Variants in BNC2 observed in about 807,000 individuals in gnomAD.
The protein encoded by BNC2 is basonuclin zinc finger protein 2, also known as zinc finger protein basonuclin-2.
BNC2 carries 20 observed loss-of-function variants against 76.3 expected under a neutral mutation model. The ratio of observed to expected loss-of-function variants is 0.26; its 90% CI spans 0.18 to 0.38. The LOEUF (loss-of-function observed/expected upper bound fraction) is 0.38. Among genes scored for constraint, BNC2 ranks in the 10% least tolerant of loss-of-function variants. The pLI is 1.00. For synonymous variants in BNC2, 582 were observed against 514.8 expected, an observed-to-expected ratio of 1.13 and a Z score of -1.77; for missense variants, 1,382 against 1,399.8, an observed-to-expected ratio of 0.99 and a Z score of 0.20.
intron 3 of BNC2, among the ~76,000 whole-genome samples, chr9:16,709,829 T>A (rs554012281): frequency 6.6e-6 from 1 of 152,148 alleles, no homozygotes; most frequent in South Asian, 2.1e-4. Context: ...TGTTAAAATT[T>A]TGGAATAAAT....
chr9:16,614,463 G>GAAA (rs57842578), intron 3 of BNC2, among the ~76,000 whole-genome samples: 4 of 146,024 alleles, frequency 2.7e-5, no homozygotes, highest in South Asian at 2.1e-4. Context: ...ACCTTTTCTT[G>GAAA]AAAAAAAAAA....
rs576759513 is a variant in BNC2 at position 16,631,723 on chromosome 9, T to C, written c.331-48638A>G. On this transcript the variant is annotated intron_variant, in intron 3 of 6. Transcript: ENST00000380672. Reference sequence around the variant, plus strand: ...GAAAAGCATCTTGACATAAAAACCATCTAGTGAAGGAGAAAATTCAAATAA... The same window carrying C: ...GAAAAGCATCTTGACATAAAAACCACCTAGTGAAGGAGAAAATTCAAATAA... Among the ~76,000 whole-genome samples the C allele has an allele frequency of 2.0e-5, 3 of 152,142 alleles. No individual in the cohort carries two copies. The South Asian group carries it at 6.2e-4, about 32-fold the overall frequency.
At chr9:16,813,089 T>G (rs543160296) in intron 1 of BNC2, among the ~76,000 whole-genome samples, 1 of 151,754 alleles carries the variant, frequency 6.6e-6, no homozygotes, top group Non-Finnish European at 1.5e-5. Flanking sequence ...CCCCAGCTAC[T>G]TGGAAGGCTG....
chr9:16,703,034 T>C (rs1823560443), intron 3 of BNC2, among the ~76,000 whole-genome samples: 1 of 152,206 alleles, frequency 6.6e-6, no homozygotes. Context: ...TTTACTTTTA[T>C]GCGGAGAAGA....
rs1392731740 is a variant in BNC2, at chr9:16,435,744, G to A, written c.2450C>T (p.Pro817Leu). ...GTCACCTTCTGGGGAGAACTTTTGA[G>A]GGCTGCCATAATTCAGAGACGATGT... ...SFTSSLNYGS[P>L]QKFSPEGDLC... Residue 817 changes from proline (P) to leucine (L), a missense_variant, in exon 6 of 7, where the codon CCT becomes CTT. Coordinates refer to ENST00000380672, the MANE Select transcript of BNC2 (RefSeq NM_017637.6). The A allele has an allele frequency of 1.2e-6, 2 of 1,613,940 alleles. No individual in the cohort carries two copies. Among genetic ancestry groups the A allele is most frequent in the Non-Finnish European group, 1.7e-6 (2 of 1,180,024 alleles).
intron 1 of BNC2, among the ~76,000 whole-genome samples, chr9:16,854,409 C>T (rs1233808296): frequency 6.6e-6 from 1 of 152,196 alleles, no homozygotes; most frequent in Non-Finnish European, 1.5e-5. Context: ...ATTAAATACA[C>T]ATACTCCCTC....
At chr9:16,815,979 G>A (rs998207323) in intron 1 of BNC2, among the ~76,000 whole-genome samples, 1 of 151,996 alleles carries the variant, frequency 6.6e-6, no homozygotes, top group Non-Finnish European at 1.5e-5. Flanking sequence ...AGTTCTTCAT[G>A]TTTTAACTGG....
At chr9:16,616,820 A>AAGTAAGG (rs754810040) in intron 3 of BNC2, among the ~76,000 whole-genome samples, 1 of 129,046 alleles carries the variant, frequency 7.7e-6, no homozygotes, top group African/African-American at 2.8e-5. Flanking sequence ...AGGAAGGAAG[A>AAGTAAGG]AAGGAAGGAA....
intron 1 of BNC2, among the ~76,000 whole-genome samples, chr9:16,793,152 T>C (rs983583782): frequency 9.2e-5 from 14 of 152,192 alleles, no homozygotes; most frequent in African/African-American, 3.4e-4. Context: ...ACAAATCCAA[T>C]TGCCCAAAGG....
intron 3 of BNC2, among the ~76,000 whole-genome samples, chr9:16,695,461 G>A (rs1407073000): frequency 6.6e-6 from 1 of 151,686 alleles, no homozygotes; most frequent in Non-Finnish European, 1.5e-5. Flanking sequence ...CTTCTAGAAG[G>A]GGGAAAATAC....
At chr9:16,535,029 C>T (rs941247736) in intron 5 of BNC2, among the ~76,000 whole-genome samples, 3 of 151,964 alleles carry the variant, frequency 2.0e-5, no homozygotes, top group Non-Finnish European at 4.4e-5. Flanking sequence ...AAATGATTTC[C>T]AAATTTTTAA....
At chr9:16,491,407 G>A (rs1042877278) in intron 5 of BNC2, among the ~76,000 whole-genome samples, 1 of 152,184 alleles carries the variant, frequency 6.6e-6, no homozygotes, top group African/African-American at 2.4e-5. Context: ...GAAATGACAA[G>A]ATCTGGTAAT....
intron 6 of BNC2, among the ~76,000 whole-genome samples, chr9:16,426,564 T>C (rs1281715297): frequency 6.6e-6 from 1 of 152,220 alleles, no homozygotes; most frequent in Non-Finnish European, 1.5e-5. Flanking sequence ...AATATTAGTA[T>C]TTAGCTATGG....
At chr9:16,558,420 TTTGA>T (rs1334175377) in intron 4 of BNC2, among the ~76,000 whole-genome samples, 1 of 152,170 alleles carries the variant, frequency 6.6e-6, no homozygotes, top group Non-Finnish European at 1.5e-5. Context: ...GATAATATTG[TTTGA>T]TTGAGAAGAT....
At chr9:16,826,578 G>A (rs1160076982) in intron 1 of BNC2, among the ~76,000 whole-genome samples, 2 of 152,106 alleles carry the variant, frequency 1.3e-5, no homozygotes, top group African/African-American at 4.8e-5. Flanking sequence ...TTAAACTTGA[G>A]ATTCTTTTCT....
intron 1 of BNC2, among the ~76,000 whole-genome samples, chr9:16,846,502 A>T (rs1387938048): frequency 6.6e-6 from 1 of 152,230 alleles, no homozygotes; most frequent in Non-Finnish European, 1.5e-5. Context: ...TAAATACCAC[A>T]ATCTATCACC....
At chr9:16,720,768 T>A (rs2134867332) in intron 3 of BNC2, among the ~76,000 whole-genome samples, 1 of 152,314 alleles carries the variant, frequency 6.6e-6, no homozygotes, top group Admixed American at 6.5e-5. Context: ...TAATGTGTTG[T>A]TTTTCCACAA....
intron 6 of BNC2, chr9:16,421,302 C>T (rs1435959700): frequency 3.9e-6 from 5 of 1,294,054 alleles, no homozygotes; most frequent in South Asian, 3.7e-5. Flanking sequence ...TTTGCTAAAT[C>T]GATCACAAAA....
intron 3 of BNC2, among the ~76,000 whole-genome samples, chr9:16,657,534 T>C (rs1240707721): frequency 6.6e-6 from 1 of 152,126 alleles, no homozygotes; most frequent in African/African-American, 2.4e-5. Context: ...GTCCTCTTTC[T>C]AAAGGCTGAG....
Sources: gnomAD v4.1 joint callset for allele counts (sites outside exome capture counted in the v4.1 genomes callset) on GRCh38, gnomAD v4.1.1 for gene constraint, MANE v1.5 for transcripts, NCBI Gene and HGNC (gene_info 2026-07-23, HGNC 2026-07-21) for gene names.